TENM3: variants seen among roughly 807,000 people sequenced by gnomAD.
TENM3 encodes the protein teneurin-3.
TENM3 carries 63 observed loss-of-function variants against 255.1 expected under a neutral mutation model. The observed-to-expected ratio is 0.25, with a 90% CI of 0.20 to 0.30. The LOEUF is 0.30. Among genes scored for constraint, TENM3 ranks in the 10% least tolerant of loss-of-function variants. The pLI is 1.00. For missense variants in TENM3, 2,929 were observed against 3,461.1 expected, an observed-to-expected ratio of 0.85 and a Z score of 3.86; for synonymous variants, 1,306 against 1,322.3, an observed-to-expected ratio of 0.99 and a Z score of 0.27.
At chr4:181,822,096 G>C in the TENM3 span, among the ~76,000 whole-genome samples, 1 of 152,112 alleles carries the variant, frequency 6.6e-6, no homozygotes. Context: ...AACCACAAAT[G>C]TCACTTCATC....
chr4:182,365,693 T>C (rs1328208038), intron 3 of TENM3, among the ~76,000 whole-genome samples: 1 of 152,218 alleles, frequency 6.6e-6, no homozygotes, highest in East Asian at 1.9e-4. Context: ...CCATAGAGTG[T>C]TGCAAAAGAT....
intron 3 of TENM3, among the ~76,000 whole-genome samples, chr4:182,400,185 T>C (rs939741363): frequency 6.6e-6 from 1 of 152,226 alleles, no homozygotes; most frequent in African/African-American, 2.4e-5. Flanking sequence ...TATTTGGCTA[T>C]GGTTTTCATT....
At chr4:182,148,579 T>G (rs1750118136) in intron 1 of TENM3, among the ~76,000 whole-genome samples, 1 of 152,124 alleles carries the variant, frequency 6.6e-6, no homozygotes, top group South Asian at 2.1e-4. Flanking sequence ...GTTATTTCCT[T>G]TTTTGTTTGT....
the TENM3 span, among the ~76,000 whole-genome samples, chr4:181,662,083 C>G: frequency 6.6e-6 from 1 of 152,076 alleles, no homozygotes; most frequent in Non-Finnish European, 1.5e-5. Context: ...GTAAAATAGC[C>G]AGAGAAGCAA....
intron 3 of TENM3, among the ~76,000 whole-genome samples, chr4:182,579,156 G>A (rs147939611): frequency 6.4e-4 from 98 of 152,270 alleles, no homozygotes; most frequent in African/African-American, 1.9e-3. Flanking sequence ...TTGTGGCTTC[G>A]CAGCGGTGAA....
At position 182,799,949 on chromosome 4, in the gene TENM3, C is replaced by T. The variant is rs1257574702; in HGVS notation, c.7698C>T (p.Ser2566=). ...ESDLGTLRLT[S]GRKALENGIN... is the part of the protein sequence containing the mutation. Reference sequence around the variant, plus strand: ...ACCTGGGCACGCTGCGGTTGACCAGCGGCCGCAAGGCGCTGGAGAACGGCA... The same window carrying T: ...ACCTGGGCACGCTGCGGTTGACCAGTGGCCGCAAGGCGCTGGAGAACGGCA... Residue 2566 remains serine, a synonymous_variant, in exon 28 of 28, where the codon AGC becomes AGT. Coordinates refer to ENST00000511685, the MANE Select transcript of TENM3 (RefSeq NM_001080477.4). This position sits in a 1 kb window ranked among gnomAD's most constrained non-coding sequence, Gnocchi z 4.2. 2 of 1,593,720 alleles carry T rather than the reference C, an allele frequency of 1.3e-6. No homozygotes were observed. The highest frequency in any genetic ancestry group is 2.3e-5 in the East Asian group (1 of 43,722).
At chr4:182,680,499 T>C in intron 9 of TENM3, 44 bp from the exon 10 acceptor site, 1 of 1,601,614 alleles carries the variant, frequency 6.2e-7, no homozygotes, top group South Asian at 1.1e-5. Context: ...GGAAGCTCGG[T>C]GGAAAGTGTG....
chr4:181,555,271 G>A, the TENM3 span, among the ~76,000 whole-genome samples: 6 of 152,122 alleles, frequency 3.9e-5, no homozygotes, highest in East Asian at 1.9e-4. Flanking sequence ...CTGGTGCAAC[G>A]CCACATAGCT....
chr4:182,068,304 G>C, the TENM3 span, among the ~76,000 whole-genome samples: 1 of 152,200 alleles, frequency 6.6e-6, no homozygotes, highest in Admixed American at 6.5e-5. Context: ...TTATGGGTTT[G>C]AGGATGGCAG....
chr4:181,841,843 A>G, the TENM3 span, among the ~76,000 whole-genome samples: 3 of 152,164 alleles, frequency 2.0e-5, no homozygotes, highest in African/African-American at 7.2e-5. Flanking sequence ...AAGAATCCAA[A>G]CACTGACATT....
the TENM3 span, chr4:181,906,346 G>T: frequency 1.5e-5 from 3 of 202,464 alleles, no homozygotes; most frequent in East Asian, 3.5e-4. Context: ...CTGTTCAAGT[G>T]TCTCCTCCTG....
intron 3 of TENM3, among the ~76,000 whole-genome samples, chr4:182,377,949 G>A (rs925793413): frequency 2.6e-4 from 40 of 152,210 alleles, no homozygotes; most frequent in African/African-American, 9.2e-4. Flanking sequence ...GAAAAACTGC[G>A]ATTTCGGATG....
the TENM3 span, among the ~76,000 whole-genome samples, chr4:181,564,361 A>G: frequency 2.6e-5 from 4 of 152,206 alleles, no homozygotes; most frequent in Non-Finnish European, 5.9e-5. Flanking sequence ...TTTTTTGCCT[A>G]TTTAAGGAAT....
chr4:182,040,484 T>A, the TENM3 span, among the ~76,000 whole-genome samples: 1 of 152,148 alleles, frequency 6.6e-6, no homozygotes, highest in Non-Finnish European at 1.5e-5. Context: ...ACACAGAGTT[T>A]CCTGGGAAAA....
the TENM3 span, among the ~76,000 whole-genome samples, chr4:181,648,060 C>T: frequency 1.3e-5 from 2 of 152,064 alleles, no homozygotes; most frequent in East Asian, 3.9e-4. Context: ...AGAAATTTCC[C>T]CCTGTAGTCC....
intron 18 of TENM3, among the ~76,000 whole-genome samples, chr4:182,741,092 C>T (rs1427063632): frequency 6.6e-6 from 1 of 152,172 alleles, no homozygotes; most frequent in Non-Finnish European, 1.5e-5. Flanking sequence ...AGGAGAATCA[C>T]TTGAGCCAGG....
At chr4:182,320,532 A>G (rs1762990872) in intron 1 of TENM3, among the ~76,000 whole-genome samples, 1 of 152,160 alleles carries the variant, frequency 6.6e-6, no homozygotes, top group African/African-American at 2.4e-5. Context: ...TCTCATAAAG[A>G]CACCAGTCAT....
At chr4:182,309,490 G>A (rs768598021) in intron 1 of TENM3, among the ~76,000 whole-genome samples, 10 of 152,318 alleles carry the variant, frequency 6.6e-5, no homozygotes, top group Admixed American at 2.0e-4. Flanking sequence ...TCAGTCTGGA[G>A]ACTCTTCATC....
At chr4:182,763,337 G>A (rs1165770071) in intron 22 of TENM3, among the ~76,000 whole-genome samples, 2 of 152,132 alleles carry the variant, frequency 1.3e-5, no homozygotes, top group Non-Finnish European at 2.9e-5. Flanking sequence ...AGGCTGAGGC[G>A]GGCGGATCAC....
Sources: gnomAD v4.1 joint callset for allele counts (sites outside exome capture counted in the v4.1 genomes callset) on GRCh38, gnomAD v4.1.1 for gene constraint, Gnocchi (gnomAD v3.1) non-coding constraint, MANE v1.5 for transcripts, NCBI Gene and HGNC (gene_info 2026-07-23, HGNC 2026-07-21) for gene names.